The following CEP135 variants were observed in gnomAD, a reference collection of about 807,000 sequenced individuals.
CEP135 encodes centrosomal protein 135.
A neutral mutation model predicts 157.3 loss-of-function variants in CEP135; 142 were observed. That is an observed-to-expected ratio of 0.90 (90% CI 0.79 to 1.04). The LOEUF is 1.04. Among genes scored for constraint, CEP135 ranks in the 50% least tolerant of loss-of-function variants. The pLI is 0.00. For missense variants in CEP135, 1,317 were observed against 1,309.2 expected (o/e 1.01, Z -0.09); for synonymous variants, 396 against 439.8 (o/e 0.90, Z 1.25).
intron 13 of CEP135, 106 bp downstream of exon 13, chr4:55,981,485 T>A: frequency 2.3e-6 from 2 of 885,962 alleles, no homozygotes. Flanking sequence ...GACCACTTTG[T>A]TTATGTATGG....
chr4:55,986,920 C>T (rs1729607615), intron 14 of CEP135, among the ~76,000 whole-genome samples: 1 of 152,136 alleles, frequency 6.6e-6, no homozygotes. Flanking sequence ...TTTCCTGTAT[C>T]TTTATGTGCC....
chr4:55,992,757 TG>T (rs1239400969), intron 15 of CEP135, among the ~76,000 whole-genome samples: 1 of 152,160 alleles, frequency 6.6e-6, no homozygotes, highest in Non-Finnish European at 1.5e-5. Flanking sequence ...ATGACTAATA[TG>T]GGGCTGAGAA....
chr4:55,998,040 G>A (rs528938971), intron 15 of CEP135, among the ~76,000 whole-genome samples: 2 of 152,320 alleles, frequency 1.3e-5, no homozygotes, highest in African/African-American at 4.8e-5. Flanking sequence ...TCAGGGTCAT[G>A]TGTTTTGTCT....
intron 11 of CEP135, among the ~76,000 whole-genome samples, chr4:55,977,456 C>T (rs1046362851): frequency 6.6e-6 from 1 of 152,122 alleles, no homozygotes; most frequent in Non-Finnish European, 1.5e-5. Context: ...GGAGAAGTTA[C>T]CTAACTTCAT....
chr4:55,981,184 T>C (rs1407148373), intron 12 of CEP135, 43 bp from the exon 13 acceptor site: 1 of 1,528,234 alleles, frequency 6.5e-7, no homozygotes, highest in Non-Finnish European at 8.8e-7. Context: ...TTTATATCTT[T>C]TACTAAAGTG....
chr4:55,962,957 CCA>C (rs1728730685), intron 6 of CEP135, among the ~76,000 whole-genome samples: 1 of 152,088 alleles, frequency 6.6e-6, no homozygotes, highest in African/African-American at 2.4e-5. Flanking sequence ...TTGGGCATTT[CCA>C]CTTGGGTGGA....
Position 56,012,067 on chromosome 4 carries a change from A to AT in CEP135, c.2802+90dup, listed in dbSNP as rs769142429. The AT allele has an allele frequency of 2.1e-4, 198 of 926,986 alleles. 1 individual carries two copies. In the East Asian group the frequency reaches 3.0e-3, roughly 14 times the overall value. The allele number at this position is 926,986 out of a possible 1,614,324, so 57.4% of individuals were successfully genotyped here. On this transcript the variant is annotated intron_variant, in intron 21 of 25. Transcript: ENST00000257287. The stretch of plus-strand genomic sequence containing the variant: ...AGATACTTTATTTATTTATTTATTT[A>AT]TTTTTTTTGAGATGAAGTCTGACTC...
At chr4:55,970,242 C>T (rs766001870) in intron 9 of CEP135, among the ~76,000 whole-genome samples, 2 of 152,014 alleles carry the variant, frequency 1.3e-5, no homozygotes, top group Non-Finnish European at 2.9e-5. Flanking sequence ...TTCTGGTAGT[C>T]TTCAAATAAC....
Position 55,971,298 on chromosome 4 carries a change from A to C in CEP135, c.1139A>C (p.Glu380Ala). 1 of 1,599,650 alleles carries C rather than the reference A, an allele frequency of 6.3e-7. No homozygotes were observed. The highest frequency in any genetic ancestry group is 8.5e-7 in the Non-Finnish European group (1 of 1,174,966). ...TTGAACTTATGCCAGAAAGAAAAGG[A>C]GAGACTGAGTGATGAACTCCTTGTA... Reference protein sequence around the residue: ...LELNLCQKEKERLSDELLVKS... With the variant: ...LELNLCQKEKARLSDELLVKS... The change falls in exon 10 of 26, where the codon GAG becomes GCG. Residue 380 changes from glutamate to alanine, a missense_variant. Transcript: ENST00000257287.
chr4:56,009,776 A>G lies in CEP135; in HGVS notation c.2378A>G (p.Asn793Ser). The G allele has an allele frequency of 3.1e-6, 5 of 1,613,170 alleles. No individual in the cohort carries two copies. The highest frequency in any genetic ancestry group is 4.2e-6 in the Non-Finnish European group (5 of 1,179,826). ...ETLVNRDREI[N>S]SLRRQLDAAH... ...TTGGTTAATCGAGATCGTGAGATAA[A>G]CAGCCTCCGGCGCCAGCTTGATGCA... is the stretch of plus-strand genomic sequence containing the variant. Residue 793 changes from asparagine (N) to serine (S), a missense_variant, in exon 19 of 26, where the codon AAC becomes AGC. Physicochemically the swap from Asn to Ser is conservative, Grantham distance 46 (BLOSUM62 1). Transcript: ENST00000257287.
intron 11 of CEP135, among the ~76,000 whole-genome samples, chr4:55,979,261 C>T (rs1729322602): frequency 6.6e-6 from 1 of 152,016 alleles, no homozygotes; most frequent in African/African-American, 2.4e-5. Flanking sequence ...AGGAAAAAGG[C>T]ATACAAATTT....
intron 14 of CEP135, among the ~76,000 whole-genome samples, chr4:55,987,294 T>TGCTG (rs1729621670): frequency 1.3e-5 from 2 of 152,188 alleles, no homozygotes; most frequent in South Asian, 4.1e-4. Context: ...TGGCCTTGGG[T>TGCTG]AGTTTACTCT....
In CEP135 at chr4:55,991,995, C is replaced by T. The variant is rs772012146; in HGVS notation, c.1919C>T (p.Ser640Leu). The change falls in exon 15 of 26, where the codon TCG becomes TTG. Residue 640 changes from serine to leucine, a missense_variant. By Grantham distance (145) the Ser-to-Leu change is moderately radical. Coordinates refer to ENST00000257287, the MANE Select transcript of CEP135 (RefSeq NM_025009.5). ...TTAATAATGAAAGAAACAATAGAGT[C>T]GTTAGAGAACAAATTAAAAGTCCAA... ...KVLIMKETIESLENKLKVQAQ... is the reference protein window; with the variant it reads ...KVLIMKETIELLENKLKVQAQ... 25 of 1,589,870 alleles carry T rather than the reference C, an allele frequency of 1.6e-5. No individual in the cohort carries two copies. The highest frequency in any genetic ancestry group is 1.7e-4 in the Middle Eastern group (1 of 5,986).
At chr4:55,967,374 G>C (rs1366457577) in intron 8 of CEP135, among the ~76,000 whole-genome samples, 2 of 152,250 alleles carry the variant, frequency 1.3e-5, no homozygotes, top group East Asian at 3.9e-4. Context: ...CCTTTGGCCA[G>C]CCCCAACATT....
At chr4:56,017,940 A>G (rs1730837297) in intron 22 of CEP135, 83 bp downstream of exon 22, 1 of 1,157,926 alleles carries the variant, frequency 8.6e-7, no homozygotes, top group Non-Finnish European at 1.2e-6. Context: ...CACACCATGC[A>G]TATACTTGTT....
intron 20 of CEP135, 84 bp from the exon 21 acceptor site, chr4:56,011,714 CTG>C: frequency 8.9e-7 from 1 of 1,119,988 alleles, no homozygotes; most frequent in South Asian, 1.6e-5. Context: ...GAACAGAATG[CTG>C]TGTATGTGTA....
chr4:56,023,603 A>G (rs537812873), intron 24 of CEP135, among the ~76,000 whole-genome samples: 1 of 146,822 alleles, frequency 6.8e-6, no homozygotes, highest in Non-Finnish European at 1.5e-5. Flanking sequence ...ACTATATATA[A>G]TATGTATTAT....
intron 14 of CEP135, among the ~76,000 whole-genome samples, chr4:55,988,005 A>G (rs1729643961): frequency 6.6e-6 from 1 of 152,220 alleles, no homozygotes; most frequent in Non-Finnish European, 1.5e-5. Flanking sequence ...GAAAATGCAT[A>G]CAATTTTAGT....
In CEP135 at chr4:56,009,922, A is replaced by C; in HGVS notation, c.2505+19A>C. 1 of 1,605,302 alleles carries C rather than the reference A, an allele frequency of 6.2e-7. No individual in the cohort carries two copies. The highest frequency in any genetic ancestry group is 8.5e-7 in the Non-Finnish European group (1 of 1,176,768). ...AAATCAAGTATGAACACAAGGCATAAATTTTGATAGTTTTATACTTTCCAT... is the reference window on the plus strand; with the variant it reads ...AAATCAAGTATGAACACAAGGCATACATTTTGATAGTTTTATACTTTCCAT... On this transcript the variant is annotated intron_variant, in intron 19 of 25. Coordinates refer to ENST00000257287, the MANE Select transcript of CEP135 (RefSeq NM_025009.5).
Sources: allele counts gnomAD v4.1 joint callset (sites outside exome capture counted in the v4.1 genomes callset), GRCh38; gene constraint gnomAD v4.1.1; transcripts MANE v1.5; gene names NCBI Gene and HGNC (gene_info 2026-07-23, HGNC 2026-07-21).